CNOT1: variants seen among roughly 807,000 people sequenced by gnomAD.
CNOT1 encodes the protein CCR4-NOT transcription complex subunit 1.
CNOT1 carries 15 observed loss-of-function variants against 273.8 expected under a neutral mutation model. The observed-to-expected ratio is 0.05, with a 90% CI of 0.04 to 0.08. CNOT1 has a LOEUF of 0.08. CNOT1 is among the 10% of genes least tolerant of loss of function. The pLI is 1.00. For missense variants in CNOT1, 1,644 were observed against 2,912.2 expected, an observed-to-expected ratio of 0.56 and a Z score of 10.02; for synonymous variants, 1,022 against 1,005.5, an observed-to-expected ratio of 1.02 and a Z score of -0.31.
At chr16:58,548,722 T>C (rs1597438425) in intron 25 of CNOT1, 6 of 437,506 alleles carry the variant, frequency 1.4e-5, no homozygotes, top group South Asian at 1.0e-4. Flanking sequence ...AAGAAATAAA[T>C]GATGGTTTAG....
intron 16 of CNOT1, among the ~76,000 whole-genome samples, chr16:58,562,135 A>T (rs1289844247): frequency 6.7e-6 from 1 of 150,264 alleles, no homozygotes; most frequent in Non-Finnish European, 1.5e-5. Context: ...AGGAGCCAAG[A>T]TTGCACTACT....
At chr16:58,527,145 C>A (rs9926053) in intron 44 of CNOT1, among the ~76,000 whole-genome samples, 5,520 of 152,230 alleles carry the variant, frequency 0.036, 318 homozygotes, top group African/African-American at 0.12. Context: ...GTTCTCCATA[C>A]CCTTAGGTTC....
chr16:58,585,342 C>A lies in CNOT1; in HGVS notation c.802G>T (p.Ala268Ser), dbSNP rs372754734. Reference sequence around the variant, plus strand: ...TTAACACATTTTACTACCAACCTTGCACAAAAGCCATAGCCTACTTCTTGC... The same window carrying A: ...TTAACACATTTTACTACCAACCTTGAACAAAAGCCATAGCCTACTTCTTGC... ...FMQEVGYGFC[A>S]SIEECRNIIV... The change falls in exon 8 of 49, where the codon GCA becomes TCA. Residue 268 changes from alanine (A) to serine (S), a missense_variant. Around this residue, in one of 13 missense-constraint regions of CNOT1, gnomAD observed 706 missense variants for 1,021.2 expected, o/e 0.69. Transcript: ENST00000317147. 1.9e-6 allele frequency: 3 copies of A among 1,613,712 alleles called. No homozygotes were observed. The South Asian group carries it at 3.3e-5, about 18-fold the overall frequency.
chr16:58,622,295 C>G (rs1787943973), intron 1 of CNOT1, among the ~76,000 whole-genome samples: 1 of 121,306 alleles, frequency 8.2e-6, no homozygotes, highest in African/African-American at 3.3e-5. Context: ...GCCTGGGTGA[C>G]AGAGCGAGAC....
At chr16:58,523,597 C>T in intron 46 of CNOT1, 95 bp from the exon 47 acceptor site, 4 of 1,139,722 alleles carry the variant, frequency 3.5e-6, no homozygotes, top group Non-Finnish European at 5.0e-6. Flanking sequence ...CTGACAGAGG[C>T]TTTCAAATTA....
chr16:58,539,804 A>C lies in CNOT1; in HGVS notation c.4956T>G (p.Ser1652=), dbSNP rs145557189. Residue 1652 remains serine (S), a synonymous_variant, in exon 35 of 49, where the codon TCT becomes TCG. Coordinates refer to ENST00000317147, the MANE Select transcript of CNOT1 (RefSeq NM_016284.5). ...ATCCAAGAGCAGCTATGGCATCCCG[A>C]GAGTTTCGAGATAAAACTACAACCT... The part of the protein sequence containing the change: ...LLEVVVLSRN[S]RDAIAALGLL... 2 of 1,613,956 alleles carry C rather than the reference A, an allele frequency of 1.2e-6. No homozygotes were observed. The highest frequency in any genetic ancestry group is 2.7e-5 in the African/African-American group (2 of 74,926).
At chr16:58,522,190 G>A (rs1421566084) in intron 47 of CNOT1, among the ~76,000 whole-genome samples, 2 of 146,244 alleles carry the variant, frequency 1.4e-5, no homozygotes, top group African/African-American at 5.1e-5. Flanking sequence ...GTGGTGGCAG[G>A]TGCCTGTAAT....
At chr16:58,617,128 A>C (rs2043118671) in intron 1 of CNOT1, among the ~76,000 whole-genome samples, 2 of 152,202 alleles carry the variant, frequency 1.3e-5, no homozygotes, top group South Asian at 4.1e-4. Context: ...TGGGAGGCTG[A>C]GGCAGGAGGA....
At chr16:58,622,482 C>T (rs143871654) in intron 1 of CNOT1, among the ~76,000 whole-genome samples, 83 of 152,024 alleles carry the variant, frequency 5.5e-4, no homozygotes, top group African/African-American at 1.9e-3. Context: ...AAGAAAAAAA[C>T]GCAAAACCTA....
intron 1 of CNOT1, among the ~76,000 whole-genome samples, chr16:58,626,406 C>CAAAAAAA (rs34556623): frequency 4.9e-5 from 3 of 60,960 alleles, no homozygotes; most frequent in Admixed American, 2.7e-4. Flanking sequence ...GACTGCGTCT[C>CAAAAAAA]AAAAAAAAAA....
At chr16:58,559,728 A>C (rs1202514916) in intron 17 of CNOT1, 1 of 463,100 alleles carries the variant, frequency 2.2e-6, no homozygotes, top group South Asian at 1.5e-5. Context: ...CATTCAATGC[A>C]TCTGAAAATA....
At chr16:58,605,799 C>G (rs922265140) in intron 1 of CNOT1, among the ~76,000 whole-genome samples, 4 of 152,138 alleles carry the variant, frequency 2.6e-5, no homozygotes, top group African/African-American at 7.2e-5. Context: ...GCTAGGACTA[C>G]AAGCGCCCGC....
chr16:58,619,631 G>C (rs1447640619), intron 1 of CNOT1, among the ~76,000 whole-genome samples: 1 of 151,964 alleles, frequency 6.6e-6, no homozygotes, highest in Non-Finnish European at 1.5e-5. Context: ...TCACCATATT[G>C]ACCAGGCTGG....
intron 46 of CNOT1, among the ~76,000 whole-genome samples, chr16:58,524,606 T>A (rs1393630421): frequency 6.6e-6 from 1 of 152,024 alleles, no homozygotes; most frequent in Non-Finnish European, 1.5e-5. Flanking sequence ...AAGAGTAGTG[T>A]CCCCCTAAAA....
At chr16:58,548,521 G>GC (rs755525858) in intron 25 of CNOT1, 2 of 519,004 alleles carry the variant, frequency 3.9e-6, no homozygotes, top group South Asian at 2.8e-5. Context: ...ACTCTATACA[G>GC]CAACAGCAGA....
intron 16 of CNOT1, among the ~76,000 whole-genome samples, chr16:58,562,551 C>T (rs1157668965): frequency 4.8e-5 from 7 of 145,836 alleles, no homozygotes; most frequent in African/African-American, 1.5e-4. Flanking sequence ...CGGCCAGGCA[C>T]GGTGGCTCAC....
In CNOT1 at chr16:58,542,169, C is replaced by A; in HGVS notation, c.4680+62G>T. On this transcript the variant is annotated intron_variant, in intron 33 of 48. Transcript: ENST00000317147. ...TCCTAATTCCAGTAAGGAGTTCAAT[C>A]AACAACAACATTAAAAATAAAACAA... 5 of 1,586,716 alleles carry A rather than the reference C, an allele frequency of 3.2e-6. No homozygotes were observed. In the South Asian group the frequency reaches 3.4e-5, roughly 11 times the overall value.
At chr16:58,532,548 G>C (rs2039803571) in intron 40 of CNOT1, 153 bp from the exon 41 acceptor site, 1 of 1,360,280 alleles carries the variant, frequency 7.4e-7, no homozygotes, top group African/African-American at 1.5e-5. Context: ...GCAGCCGATA[G>C]GGTCATAAAT....
chr16:58,585,267 G>C, intron 8 of CNOT1, 71 bp downstream of exon 8: 2 of 1,580,948 alleles, frequency 1.3e-6, no homozygotes, highest in Non-Finnish European at 8.6e-7. Context: ...GAATTTTAGA[G>C]ACTTTTTTTA....
Sources: gnomAD v4.1 joint callset for allele counts (sites outside exome capture counted in the v4.1 genomes callset) on GRCh38, gnomAD v4.1.1 for gene constraint, gnomAD v4.1.1 regional missense constraint, MANE v1.5 for transcripts, NCBI Gene and HGNC (gene_info 2026-07-23, HGNC 2026-07-21) for gene names.